Variants in ADAMTSL1 observed in about 807,000 individuals in gnomAD.
The protein encoded by ADAMTSL1 is ADAMTS-like protein 1.
Under a neutral mutation model 201.8 loss-of-function variants are expected in ADAMTSL1, and 126 were observed. The ratio of observed to expected loss-of-function variants is 0.62; its 90% confidence interval spans 0.54 to 0.72. The LOEUF (loss-of-function observed/expected upper bound fraction) is 0.72. Among genes scored for constraint, ADAMTSL1 ranks in the 30% least tolerant of loss-of-function variants. The probability of loss-of-function intolerance (pLI) is 0.00; values close to 1 mark genes in which losing one functional copy is unlikely to be tolerated. For synonymous variants in ADAMTSL1, 1,121 were observed against 903.4 expected (o/e 1.24, Z -4.32); for missense variants, 2,679 against 2,277.8 (o/e 1.18, Z -3.59).
chr9:18,077,209 G>T (rs1017114062), intron 1 of ADAMTSL1, among the ~76,000 whole-genome samples: 1 of 152,132 alleles, frequency 6.6e-6, no homozygotes, highest in East Asian at 1.9e-4. Context: ...TTTCCCAGGA[G>T]AAATTTGGCC....
intron 2 of ADAMTSL1, among the ~76,000 whole-genome samples, chr9:18,213,936 C>T (rs1028402414): frequency 2.0e-5 from 3 of 152,104 alleles, no homozygotes; most frequent in African/African-American, 4.8e-5. Flanking sequence ...GGGGTTTCAC[C>T]ATGTTGGCCA....
intron 2 of ADAMTSL1, among the ~76,000 whole-genome samples, chr9:18,228,298 A>T (rs2132394475): frequency 6.6e-6 from 1 of 152,278 alleles, no homozygotes; most frequent in African/African-American, 2.4e-5. Context: ...TTGGGCACTG[A>T]AGGACCAGAA....
chr9:18,221,521 T>C (rs1425973802), intron 2 of ADAMTSL1, among the ~76,000 whole-genome samples: 1 of 152,174 alleles, frequency 6.6e-6, no homozygotes, highest in Non-Finnish European at 1.5e-5. Context: ...GCTTTGTGGA[T>C]ATATTTTCAG....
chr9:18,355,289 G>T (rs1465783547), intron 2 of ADAMTSL1, among the ~76,000 whole-genome samples: 1 of 152,160 alleles, frequency 6.6e-6, no homozygotes, highest in Non-Finnish European at 1.5e-5. Flanking sequence ...ATGGTGGAAA[G>T]CTGTAATATA....
In ADAMTSL1 at chr9:18,841,714, T is replaced by A. The variant is rs1192239185; in HGVS notation, c.4249+11737T>A. ...CTATTGATTATTGTCACAATTTCAG[T>A]TCCTGTTATTGGTCTATTCAGAGAT... On this transcript the variant is annotated intron_variant, in intron 23 of 28. Coordinates refer to ENST00000380548, the MANE Select transcript of ADAMTSL1 (RefSeq NM_001040272.6). Among the ~76,000 whole-genome samples the A allele has an allele frequency of 2.1e-3, 316 of 152,248 alleles. 3 individuals are homozygous for A. The highest frequency in any genetic ancestry group is 5.4e-4 in the Non-Finnish European group (37 of 68,016).
chr9:18,656,955 T>A (rs62549397), intron 7 of ADAMTSL1, among the ~76,000 whole-genome samples: 1,882 of 152,248 alleles, frequency 0.012, 35 homozygotes, highest in African/African-American at 0.037. Context: ...GAAATTGCAA[T>A]TTCCATTAAG....
Position 18,709,870 on chromosome 9 carries a change from C to T in ADAMTSL1, c.1876+2822C>T, listed in dbSNP as rs986804931. ...ACTTCAGCAAAAATGGAAGATGAAG[C>T]CTTGTACCTGTTGTTCCCCTTTTCT... On this transcript the variant is annotated intron_variant, in intron 14 of 28. Transcript: ENST00000380548. Among the ~76,000 whole-genome samples, 15 of 152,280 alleles carry T rather than the reference C, an allele frequency of 9.9e-5. No homozygotes were observed. In the South Asian group the frequency reaches 1.0e-3, roughly 11 times the overall value.
intron 23 of ADAMTSL1, among the ~76,000 whole-genome samples, chr9:18,864,307 A>C (rs1276386324): frequency 6.6e-6 from 1 of 152,128 alleles, no homozygotes; most frequent in Non-Finnish European, 1.5e-5. Flanking sequence ...AAAAACGTGC[A>C]CTCAGAATTC....
chr9:18,688,659 CAAAAAAAAA>C (rs61505157), intron 13 of ADAMTSL1, among the ~76,000 whole-genome samples: 1 of 6,678 alleles, frequency 1.5e-4, no homozygotes, highest in African/African-American at 3.8e-4. Context: ...CAGAGCATTT[CAAAAAAAAA>C]AAAAAAAAAA....
intron 1 of ADAMTSL1, among the ~76,000 whole-genome samples, chr9:18,115,080 A>G (rs922954995): frequency 1.3e-5 from 2 of 152,080 alleles, no homozygotes; most frequent in African/African-American, 4.8e-5. Context: ...AAAAAATGAA[A>G]CTTTACATCG....
In ADAMTSL1 at chr9:18,790,316, T is replaced by C. The variant is rs941832629; in HGVS notation, c.3678-5081T>C. ...CTAGACTGGAGTCCGAGTCTCTTGGTTCCAATTTGGGAAGTCTTCCCCTCC... is the reference window on the plus strand; with the variant it reads ...CTAGACTGGAGTCCGAGTCTCTTGGCTCCAATTTGGGAAGTCTTCCCCTCC... On this transcript the variant is annotated intron_variant, in intron 19 of 28. Coordinates refer to ENST00000380548, the MANE Select transcript of ADAMTSL1 (RefSeq NM_001040272.6). 4.6e-5 allele frequency among the ~76,000 whole-genome samples: 7 copies of C among 152,200 alleles called. No individual in the cohort carries two copies. In the East Asian group the frequency reaches 9.7e-4, roughly 21 times the overall value.
At chr9:18,072,732 C>T (rs538308647) in intron 1 of ADAMTSL1, among the ~76,000 whole-genome samples, 115 of 152,258 alleles carry the variant, frequency 7.6e-4, no homozygotes, top group Non-Finnish European at 1.3e-3. Flanking sequence ...GGGCCCACTT[C>T]GTTTTGAAGG....
intron 2 of ADAMTSL1, among the ~76,000 whole-genome samples, chr9:18,508,118 G>C (rs1185158466): frequency 6.6e-6 from 1 of 151,880 alleles, no homozygotes; most frequent in Non-Finnish European, 1.5e-5. Flanking sequence ...CCCAGAGGCA[G>C]AGGTTGCAGT....
intron 9 of ADAMTSL1, among the ~76,000 whole-genome samples, chr9:18,672,295 C>A (rs1829871177): frequency 6.6e-6 from 1 of 151,916 alleles, no homozygotes; most frequent in Non-Finnish European, 1.5e-5. Flanking sequence ...GTGATGGCCT[C>A]ATTTCATCCA....
intron 2 of ADAMTSL1, among the ~76,000 whole-genome samples, chr9:18,524,993 T>A (rs1818944573): frequency 6.6e-6 from 1 of 152,234 alleles, no homozygotes; most frequent in Non-Finnish European, 1.5e-5. Flanking sequence ...TTTCTATTGA[T>A]TGGAATAGTT....
chr9:18,216,257 T>C lies in ADAMTSL1; in HGVS notation c.207+52276T>C, dbSNP rs536647521. Among the ~76,000 whole-genome samples the C allele has an allele frequency of 5.3e-5, 8 of 152,334 alleles. 1 individual carries two copies. The South Asian group carries it at 8.3e-4, about 16-fold the overall frequency. On this transcript the variant is annotated intron_variant, in intron 2 of 29. Transcript: ENST00000680146. Reference sequence around the variant, plus strand: ...TCATATACACCCCCACCTGTGGGTGTGTACTGTTTTGGACAAAGAGTTTGC... The same window carrying C: ...TCATATACACCCCCACCTGTGGGTGCGTACTGTTTTGGACAAAGAGTTTGC...
At chr9:18,548,496 G>A (rs1339380461) in intron 3 of ADAMTSL1, among the ~76,000 whole-genome samples, 4 of 152,046 alleles carry the variant, frequency 2.6e-5, no homozygotes, top group African/African-American at 9.7e-5. Flanking sequence ...AGTGCTGTTG[G>A]ATGTGAGTTT....
rs1407507280 is a variant in ADAMTSL1, at chr9:18,777,810, G to A, written c.3581G>A (p.Gly1194Glu). 1.9e-6 allele frequency: 3 copies of A among 1,613,716 alleles called. No individual in the cohort carries two copies. The highest frequency in any genetic ancestry group is 1.1e-5 in the South Asian group (1 of 91,046). The change falls in exon 19 of 29, where the codon GGG (glycine) becomes GAG (glutamate). Residue 1194 changes from glycine to glutamate, a missense_variant. Coordinates refer to ENST00000380548, the MANE Select transcript of ADAMTSL1 (RefSeq NM_001040272.6). The part of the protein sequence containing the change: ...HLGQTVALAS[G>E]TLSVLLHCEA... Reference sequence around the variant, plus strand: ...GGGCAGACGGTGGCCCTGGCCAGCGGGACACTGAGTGTTCTTCTGCACTGT... The same window carrying A: ...GGGCAGACGGTGGCCCTGGCCAGCGAGACACTGAGTGTTCTTCTGCACTGT...
intron 1 of ADAMTSL1, among the ~76,000 whole-genome samples, chr9:18,058,293 T>C (rs567961090): frequency 1.9e-4 from 29 of 152,316 alleles, no homozygotes; most frequent in African/African-American, 6.5e-4. Flanking sequence ...TGCCAGATGC[T>C]AGAGAAATCT....
Sources: allele counts gnomAD v4.1 joint callset (sites outside exome capture counted in the v4.1 genomes callset), GRCh38; gene constraint gnomAD v4.1.1; transcripts MANE v1.5; gene names NCBI Gene and HGNC (gene_info 2026-07-23, HGNC 2026-07-21).